LHFPL3: variants seen among roughly 807,000 people sequenced by gnomAD.
LHFPL3 encodes the protein LHFPL tetraspan subfamily member 3, also known as LHFPL tetraspan subfamily member 3 protein.
A neutral mutation model predicts 19.3 loss-of-function variants in LHFPL3; 5 were observed. That is an observed-to-expected ratio of 0.26 (90% CI 0.14 to 0.54). The LOEUF is 0.54. Ranked by LOEUF, LHFPL3 falls within the 20% of genes least tolerant of loss-of-function variation. The pLI is 0.94. For synonymous variants in LHFPL3, 133 were observed against 126.2 expected, an observed-to-expected ratio of 1.05 and a Z score of -0.36; for missense variants, 249 against 307.4, an observed-to-expected ratio of 0.81 and a Z score of 1.42.
intron 1 of LHFPL3, among the ~76,000 whole-genome samples, chr7:104,661,407 AGAG>A (rs1341587858): frequency 1.3e-5 from 2 of 152,214 alleles, no homozygotes; most frequent in East Asian, 3.8e-4. Context: ...ATCGTTTGAA[AGAG>A]GAGACCACCA....
intron 2 of LHFPL3, among the ~76,000 whole-genome samples, chr7:104,883,030 TA>T (rs1792085352): frequency 6.6e-6 from 1 of 152,260 alleles, no homozygotes. Flanking sequence ...TGTCAATGTT[TA>T]TCGGAAATTT....
At chr7:104,581,557 C>T (rs1790462260) in intron 1 of LHFPL3, among the ~76,000 whole-genome samples, 1 of 152,028 alleles carries the variant, frequency 6.6e-6, no homozygotes, top group Non-Finnish European at 1.5e-5. Context: ...TGCACTGTGT[C>T]TGTTTAAGAA....
At chr7:104,726,054 G>A (rs1190432115) in intron 1 of LHFPL3, among the ~76,000 whole-genome samples, 2 of 23,208 alleles carry the variant, frequency 8.6e-5, no homozygotes, top group African/African-American at 2.9e-4. Flanking sequence ...TCCATCTCAG[G>A]CAAAAAAAAA....
rs138166655 is a variant in LHFPL3 at position 104,501,099 on chromosome 7, C to CAA, written c.445+171883_445+171884dup. 3.3e-4 allele frequency among the ~76,000 whole-genome samples: 49 copies of CAA among 149,506 alleles called. No individual in the cohort carries two copies. The East Asian group carries it at 3.5e-3, about 11-fold the overall frequency. On this transcript the variant is annotated intron_variant, in intron 1 of 2. Coordinates refer to ENST00000424859, the MANE Select transcript of LHFPL3 (RefSeq NM_199000.3). ...CTCCAGGGTTTATCACAATATCTGG[C>CAA]AAAAAAAAATGCTCAATAAATGTTT...
intron 1 of LHFPL3, among the ~76,000 whole-genome samples, chr7:104,435,503 AT>A (rs1792085701): frequency 1.3e-5 from 2 of 150,588 alleles, no homozygotes; most frequent in Non-Finnish European, 3.0e-5. Context: ...TTTTATAAAA[AT>A]ATTTTTTATA....
chr7:104,856,758 A>T (rs531074963), intron 2 of LHFPL3, among the ~76,000 whole-genome samples: 2 of 152,364 alleles, frequency 1.3e-5, no homozygotes, highest in African/African-American at 4.8e-5. Flanking sequence ...ATTTCTTTCA[A>T]CATTCCCCTT....
intron 1 of LHFPL3, among the ~76,000 whole-genome samples, chr7:104,590,328 G>A (rs1461274342): frequency 2.0e-5 from 3 of 152,054 alleles, no homozygotes; most frequent in Non-Finnish European, 4.4e-5. Context: ...GTTCTCGTTG[G>A]TTTCAAAGAA....
intron 2 of LHFPL3, among the ~76,000 whole-genome samples, chr7:104,781,055 C>A (rs1391486400): frequency 6.6e-6 from 1 of 151,914 alleles, no homozygotes; most frequent in Non-Finnish European, 1.5e-5. Flanking sequence ...TAATCCAACT[C>A]TCTGTCCTCT....
At chr7:104,769,883 G>A (rs2116394847) in intron 2 of LHFPL3, among the ~76,000 whole-genome samples, 1 of 152,252 alleles carries the variant, frequency 6.6e-6, no homozygotes. Flanking sequence ...GTCATTTGCG[G>A]GGACATGGTT....
chr7:104,835,544 C>CT (rs1791073848), intron 2 of LHFPL3, among the ~76,000 whole-genome samples: 1 of 150,780 alleles, frequency 6.6e-6, no homozygotes, highest in Non-Finnish European at 1.5e-5. Flanking sequence ...AGATGGCAAA[C>CT]TAAGTAGACA....
intron 1 of LHFPL3, among the ~76,000 whole-genome samples, chr7:104,481,989 G>A (rs1383542239): frequency 6.6e-6 from 1 of 152,092 alleles, no homozygotes; most frequent in Non-Finnish European, 1.5e-5. Flanking sequence ...CCTGCTAATG[G>A]CTCTCAGTTA....
chr7:104,905,988 G>A (rs1422930561), intron 2 of LHFPL3, among the ~76,000 whole-genome samples, 199 bp from the exon 3 acceptor site: 2 of 152,204 alleles, frequency 1.3e-5, no homozygotes, highest in African/African-American at 2.4e-5. Flanking sequence ...TTGCTGGGAA[G>A]ACTGTACTGT....
At chr7:104,895,608 G>A (rs79827766) in intron 2 of LHFPL3, 7,112 of 152,412 alleles carry the variant, frequency 0.047, 203 homozygotes, top group African/African-American at 0.08. Context: ...CTTCATTAGA[G>A]CAGCTGTGCT....
chr7:104,690,178 G>T (rs949139365), intron 1 of LHFPL3, among the ~76,000 whole-genome samples: 2 of 152,238 alleles, frequency 1.3e-5, no homozygotes, highest in Non-Finnish European at 2.9e-5. Context: ...AACGACAGTG[G>T]GTTATTGTAA....
chr7:104,486,649 TA>T (rs1793242700), intron 1 of LHFPL3, among the ~76,000 whole-genome samples: 1 of 152,252 alleles, frequency 6.6e-6, no homozygotes, highest in Non-Finnish European at 1.5e-5. Flanking sequence ...GGTGCAGATG[TA>T]AATATTCAGC....
In LHFPL3 at chr7:104,623,445, C is replaced by G. The variant is rs1008063106; in HGVS notation, c.446-113230C>G. ...AGGAGTTCGAGACCAGCCTGGCCAA[C>G]ATGGCGAAACCCTGTCTCTACTAAA... On this transcript the variant is annotated intron_variant, in intron 1 of 2. Transcript: ENST00000424859. Among the ~76,000 whole-genome samples, 14 of 144,170 alleles carry G rather than the reference C, an allele frequency of 9.7e-5. 1 individual carries two copies. The highest frequency in any genetic ancestry group is 3.3e-4 in the African/African-American group (13 of 39,270). The allele number at this position is 144,170 out of a possible 152,430, so 94.6% of individuals were successfully genotyped here.
chr7:104,764,820 C>T (rs1047256595), intron 2 of LHFPL3, among the ~76,000 whole-genome samples: 3 of 152,180 alleles, frequency 2.0e-5, no homozygotes, highest in African/African-American at 7.2e-5. Flanking sequence ...TTTATATCTT[C>T]TATCTCATTT....
At chr7:104,536,913 C>T (rs983489585) in intron 1 of LHFPL3, among the ~76,000 whole-genome samples, 4 of 152,192 alleles carry the variant, frequency 2.6e-5, no homozygotes, top group African/African-American at 9.7e-5. Flanking sequence ...CTGATTTCAT[C>T]CTCCTTCTCC....
intron 1 of LHFPL3, among the ~76,000 whole-genome samples, chr7:104,407,835 T>C (rs913516774): frequency 6.6e-6 from 1 of 152,220 alleles, no homozygotes; most frequent in South Asian, 2.1e-4. Flanking sequence ...TATTAGACTT[T>C]CTTTCATGAC....
Sources: gnomAD v4.1 joint callset for allele counts (sites outside exome capture counted in the v4.1 genomes callset) on GRCh38, gnomAD v4.1.1 for gene constraint, MANE v1.5 for transcripts, NCBI Gene and HGNC (gene_info 2026-07-23, HGNC 2026-07-21) for gene names.